Variants in GRIK2 observed in about 807,000 individuals in gnomAD.
GRIK2 encodes glutamate ionotropic receptor kainate type subunit 2, also known as glutamate receptor ionotropic, kainate 2.
In GRIK2, 32 loss-of-function variants were observed where a neutral mutation model predicts 100.3. The observed-to-expected ratio is 0.32, with a 90% CI of 0.24 to 0.43. The LOEUF (loss-of-function observed/expected upper bound fraction) is 0.43, where lower values mean the gene tolerates loss of function less well. Ranked by LOEUF, GRIK2 falls within the 20% of genes least tolerant of loss-of-function variation. GRIK2 has a pLI of 1.00. For synonymous variants in GRIK2, 417 were observed against 389.4 expected, an observed-to-expected ratio of 1.07 and a Z score of -0.83; for missense variants, 843 against 1,114.9, an observed-to-expected ratio of 0.76 and a Z score of 3.47.
At chr6:101,776,322 A>G (rs1778743826) in intron 7 of GRIK2, among the ~76,000 whole-genome samples, 1 of 152,240 alleles carries the variant, frequency 6.6e-6, no homozygotes, top group African/African-American at 2.4e-5. Flanking sequence ...TGTTCATACA[A>G]TAGTTTGTTA....
chr6:101,503,095 G>C lies in GRIK2; in HGVS notation c.115+103703G>C, dbSNP rs137859689. On this transcript the variant is annotated intron_variant, in intron 2 of 16. Transcript: ENST00000369134. ...AGGAGACTACTGTGGCATTATTGGT[G>C]CCTGGGAAAGACAAAGTTTAAGAAG... Among the ~76,000 whole-genome samples the C allele has an allele frequency of 1.4e-4, 21 of 152,262 alleles. No individual in the cohort carries two copies. The East Asian group carries it at 3.9e-3, about 28-fold the overall frequency.
chr6:101,676,582 T>C, intron 4 of GRIK2, 41 bp from the exon 5 acceptor site: 1 of 1,186,826 alleles, frequency 8.4e-7, no homozygotes, highest in South Asian at 1.5e-5. Flanking sequence ...CTCTATTTTT[T>C]ATCTCTAATA....
At chr6:101,788,912 G>A (rs187500657) in intron 7 of GRIK2, among the ~76,000 whole-genome samples, 1 of 152,274 alleles carries the variant, frequency 6.6e-6, no homozygotes, top group East Asian at 1.9e-4. Context: ...TCTAACTGGT[G>A]TGAGATGGTA....
intron 4 of GRIK2, among the ~76,000 whole-genome samples, chr6:101,663,902 A>G (rs1242388236): frequency 6.6e-6 from 1 of 152,136 alleles, no homozygotes; most frequent in East Asian, 1.9e-4. Flanking sequence ...CTCCCACCAA[A>G]TCACACCAGT....
At chr6:101,874,187 A>G (rs1785640764) in intron 11 of GRIK2, among the ~76,000 whole-genome samples, 1 of 152,120 alleles carries the variant, frequency 6.6e-6, no homozygotes, top group Non-Finnish European at 1.5e-5. Context: ...TATGTCCTGA[A>G]TGGTATTGCC....
intron 15 of GRIK2, among the ~76,000 whole-genome samples, chr6:102,039,018 A>T (rs1159497853): frequency 6.6e-6 from 1 of 151,286 alleles, no homozygotes; most frequent in Non-Finnish European, 1.5e-5. Flanking sequence ...TCAGAAAAAA[A>T]ATTAAAAATT....
At chr6:101,921,482 C>T (rs759918027) in intron 12 of GRIK2, among the ~76,000 whole-genome samples, 6 of 151,518 alleles carry the variant, frequency 4.0e-5, no homozygotes, top group Non-Finnish European at 5.9e-5. Flanking sequence ...AAAGTGAATC[C>T]GAAAGAGTTG....
intron 2 of GRIK2, among the ~76,000 whole-genome samples, chr6:101,610,373 G>T (rs1779619082): frequency 1.3e-5 from 2 of 151,420 alleles, no homozygotes; most frequent in South Asian, 2.1e-4. Flanking sequence ...ACTATTTCTG[G>T]ATTAAAACTC....
intron 7 of GRIK2, among the ~76,000 whole-genome samples, chr6:101,716,312 G>A (rs1466041863): frequency 6.6e-6 from 1 of 151,460 alleles, no homozygotes; most frequent in African/African-American, 2.4e-5. Context: ...GAAGAGGAAA[G>A]GTATACTATA....
intron 15 of GRIK2, among the ~76,000 whole-genome samples, chr6:102,047,691 G>C (rs1770967568): frequency 6.6e-6 from 1 of 151,884 alleles, no homozygotes. Flanking sequence ...AGAGGTTGCA[G>C]TGAGCCAAGA....
At chr6:101,653,131 T>C (rs995287468) in intron 4 of GRIK2, among the ~76,000 whole-genome samples, 1 of 152,180 alleles carries the variant, frequency 6.6e-6, no homozygotes, top group African/African-American at 2.4e-5. Context: ...AAGTAGAGCC[T>C]GCCCATGGAA....
At chr6:101,619,723 A>G (rs371464594) in intron 2 of GRIK2, among the ~76,000 whole-genome samples, 2 of 152,100 alleles carry the variant, frequency 1.3e-5, no homozygotes, top group East Asian at 3.9e-4. Flanking sequence ...TGTTTCATAT[A>G]TAAGATCTTA....
chr6:101,877,642 C>T (rs1018370669), intron 11 of GRIK2, among the ~76,000 whole-genome samples: 8 of 151,866 alleles, frequency 5.3e-5, no homozygotes, highest in East Asian at 1.9e-4. Context: ...CATCTGAGTA[C>T]AAAATAAGTA....
intron 7 of GRIK2, among the ~76,000 whole-genome samples, chr6:101,792,100 T>A (rs949448293): frequency 1.1e-4 from 17 of 152,066 alleles, no homozygotes; most frequent in African/African-American, 4.1e-4. Context: ...CCTATGTGTG[T>A]CTCTGCACGT....
intron 9 of GRIK2, among the ~76,000 whole-genome samples, chr6:101,804,899 C>T (rs1180395593): frequency 6.6e-6 from 1 of 151,870 alleles, no homozygotes; most frequent in Non-Finnish European, 1.5e-5. Context: ...TTAGAAGGAA[C>T]AAAATGCTGC....
At chr6:101,446,668 G>C (rs530832246) in intron 2 of GRIK2, among the ~76,000 whole-genome samples, 1 of 151,720 alleles carries the variant, frequency 6.6e-6, no homozygotes, top group South Asian at 2.1e-4. Context: ...TCACCTGTTT[G>C]AAAGAATAAC....
chr6:101,403,637 T>C (rs543579762), intron 2 of GRIK2, among the ~76,000 whole-genome samples: 37 of 152,216 alleles, frequency 2.4e-4, no homozygotes, highest in Non-Finnish European at 5.0e-4. Context: ...GCAGATGTAC[T>C]GCAACATCGA....
intron 14 of GRIK2, among the ~76,000 whole-genome samples, chr6:101,966,902 A>G (rs1008439805): frequency 1.3e-5 from 2 of 152,048 alleles, no homozygotes; most frequent in Non-Finnish European, 2.9e-5. Flanking sequence ...AATAAACTTA[A>G]TTTTATGCTT....
chr6:102,068,125 C>T (rs17062805), intron 16 of GRIK2, among the ~76,000 whole-genome samples: 4,147 of 151,698 alleles, frequency 0.027, 192 homozygotes, highest in African/African-American at 0.096. Context: ...ATTTCAGTAT[C>T]GGGTGGAGAT....
Sources: gnomAD v4.1 joint callset for allele counts (sites outside exome capture counted in the v4.1 genomes callset) on GRCh38, gnomAD v4.1.1 for gene constraint, MANE v1.5 for transcripts, NCBI Gene and HGNC (gene_info 2026-07-23, HGNC 2026-07-21) for gene names.